STAT2: variants seen among roughly 807,000 people sequenced by gnomAD.
The protein encoded by STAT2 is signal transducer and activator of transcription 2.
A neutral mutation model predicts 122.3 loss-of-function variants in STAT2; 51 were observed. The ratio of observed to expected loss-of-function variants is 0.42; its 90% confidence interval spans 0.33 to 0.53. The LOEUF is 0.53. Ranked by LOEUF, STAT2 falls within the 20% of genes least tolerant of loss-of-function variation. The pLI is 0.10. For synonymous variants in STAT2, 351 were observed against 394.9 expected, an observed-to-expected ratio of 0.89 and a Z score of 1.32; for missense variants, 736 against 1,010.3, an observed-to-expected ratio of 0.73 and a Z score of 3.68.
chr12:56,347,012 C>G (rs1877584416), intron 19 of STAT2, 57 bp from the exon 20 acceptor site: 1 of 1,594,594 alleles, frequency 6.3e-7, no homozygotes, highest in Non-Finnish European at 8.6e-7. Flanking sequence ...CACCAGGCCC[C>G]TGCCTCCCTG....
chr12:56,348,422 G>T, intron 19 of STAT2, 107 bp downstream of exon 19: 3 of 1,136,154 alleles, frequency 2.6e-6, no homozygotes, highest in Non-Finnish European at 4.0e-6. Context: ...GACGTGGCCT[G>T]CACCTGTCTT....
Position 56,355,436 on chromosome 12 carries a change from T to C in STAT2, c.471+7A>G. On this transcript the variant is annotated splice_region_variant and intron_variant, in intron 5 of 23. Coordinates refer to ENST00000314128, the MANE Select transcript of STAT2 (RefSeq NM_005419.4). ...TGTCAACCCTAACTCCTACCACATC[T>C]ACTAACCTCCATCATAGCCCTTAAA... 1 of 1,614,150 alleles carries C rather than the reference T, an allele frequency of 6.2e-7. No individual in the cohort carries two copies. The highest frequency in any genetic ancestry group is 1.1e-5 in the South Asian group (1 of 91,078).
rs758442457 is a variant in STAT2 at position 56,356,277 on chromosome 12, G to A, written c.140C>T (p.Ala47Val). ...VWIEDQNWQE[A>V]ALGSDDSKAT... ...CTTGGAATCATCACTCCCAAGTGCA[G>A]CTTCCTGCCTGGGCACCAGGAATAA... Residue 47 changes from alanine to valine, a missense_variant, in exon 3 of 24, where the codon GCT becomes GTT. Coordinates refer to ENST00000314128, the MANE Select transcript of STAT2 (RefSeq NM_005419.4). 1 of 1,611,368 alleles carries A rather than the reference G, an allele frequency of 6.2e-7. No individual in the cohort carries two copies. The highest frequency in any genetic ancestry group is 8.5e-7 in the Non-Finnish European group (1 of 1,179,992).
At chr12:56,349,293 T>C (rs749700813) in intron 15 of STAT2, 32 bp from the exon 16 acceptor site, 5 of 1,613,926 alleles carry the variant, frequency 3.1e-6, no homozygotes, top group Non-Finnish European at 4.2e-6. Context: ...CAGAGAGGGA[T>C]GTGATGTTTC....
intron 19 of STAT2, among the ~76,000 whole-genome samples, 187 bp downstream of exon 19, chr12:56,348,342 C>T (rs2136050270): frequency 6.6e-6 from 1 of 152,234 alleles, no homozygotes; most frequent in Non-Finnish European, 1.5e-5. Flanking sequence ...CCGCCTCGGC[C>T]TCCCAAAGTG....
chr12:56,344,225 G>T, intron 22 of STAT2, 90 bp from the exon 23 acceptor site: 1 of 1,463,126 alleles, frequency 6.8e-7, no homozygotes, highest in Non-Finnish European at 9.1e-7. Flanking sequence ...GTCTAAGAAG[G>T]CAGTAGGGCG....
chr12:56,349,306 G>A (rs1878070335), intron 15 of STAT2, 45 bp from the exon 16 acceptor site: 2 of 1,613,978 alleles, frequency 1.2e-6, no homozygotes, highest in Admixed American at 1.7e-5. Context: ...GATGTTTCTA[G>A]CTGCAGGTAT....
In STAT2 at chr12:56,343,481, G is replaced by A. The variant is rs776219467; in HGVS notation, c.2464C>T (p.Leu822=). The A allele has an allele frequency of 6.2e-7, 1 of 1,614,234 alleles. No individual in the cohort carries two copies. Among genetic ancestry groups the A allele is most frequent in the South Asian group, 1.1e-5 (1 of 91,088 alleles). ...IEEIMPNGDP[L]LAGQNTVDEV... is the part of the protein sequence containing the mutation. ...TCCACGGTGTTCTGGCCAGCCAACA[G>A]TGGGTCACCATTCGGCATGATTTCT... is the stretch of plus-strand genomic sequence containing the variant. The change falls in exon 24 of 24, where the codon CTG becomes TTG. Residue 822 remains leucine, a synonymous_variant. Coordinates refer to ENST00000314128, the MANE Select transcript of STAT2 (RefSeq NM_005419.4).
chr12:56,359,214 T>A (rs1879992370), intron 1 of STAT2, among the ~76,000 whole-genome samples: 1 of 152,152 alleles, frequency 6.6e-6, no homozygotes, highest in Non-Finnish European at 1.5e-5. Flanking sequence ...TTTTAACTCT[T>A]TTAGTAGTGC....
chr12:56,352,648 G>A (rs1195173123), intron 8 of STAT2, among the ~76,000 whole-genome samples: 2 of 151,214 alleles, frequency 1.3e-5, no homozygotes, highest in African/African-American at 2.4e-5. Flanking sequence ...TGTACCATAA[G>A]TACTATATGC....
intron 21 of STAT2, 70 bp from the exon 22 acceptor site, chr12:56,346,273 G>A (rs1877442990): frequency 2.5e-6 from 4 of 1,593,190 alleles, no homozygotes; most frequent in Non-Finnish European, 2.6e-6. Flanking sequence ...TTCCCCTAGT[G>A]CAGATGGTCC....
In STAT2 at chr12:56,343,591, A is replaced by G. The variant is rs538422027; in HGVS notation, c.2414-60T>C. ...CTTAGTTAGGAGTTCCCAACCCAGC[A>G]GGGAAAGGGAGGGAGGATGGCAGGA... On this transcript the variant is annotated intron_variant, in intron 23 of 23. Transcript: ENST00000314128. The G allele has an allele frequency of 2.8e-5, 44 of 1,577,320 alleles. 1 individual carries two copies. Among genetic ancestry groups the G allele is most frequent in the South Asian group, 2.1e-4 (18 of 85,568 alleles).
intron 3 of STAT2, 100 bp downstream of exon 3, chr12:56,356,032 G>A (rs184349826): frequency 3.3e-6 from 5 of 1,498,126 alleles, no homozygotes; most frequent in East Asian, 2.3e-5. Context: ...ATTTGTTCCC[G>A]TCTCCCTTTC....
chr12:56,350,439 A>G lies in STAT2; in HGVS notation c.1095-7T>C, dbSNP rs759547339. 1 of 1,604,290 alleles carries G rather than the reference A, an allele frequency of 6.2e-7. No individual in the cohort carries two copies. Among genetic ancestry groups the G allele is most frequent in the Non-Finnish European group, 8.5e-7 (1 of 1,176,748 alleles). ...TTGTAATTGAGGAGGATTCCTGAAA[A>G]GAAATAAATTTAAAAAAATCATTGG... On this transcript the variant is annotated splice_polypyrimidine_tract_variant and splice_region_variant and intron_variant, in intron 11 of 23. Coordinates refer to ENST00000314128, the MANE Select transcript of STAT2 (RefSeq NM_005419.4).
chr12:56,343,333 T>C lies in STAT2; in HGVS notation c.*56A>G, dbSNP rs1435199044. 22 of 1,577,960 alleles carry C rather than the reference T, an allele frequency of 1.4e-5. No individual in the cohort carries two copies. Among genetic ancestry groups the C allele is most frequent in the Non-Finnish European group, 1.6e-5 (19 of 1,158,292 alleles). The stretch of plus-strand genomic sequence containing the variant: ...TTCCCATCCTTGGAGAACAATATCA[T>C]GCTATGAGGAGTAGGAAGGGCAAGA... On this transcript the variant is annotated 3_prime_UTR_variant, in exon 24 of 24. Coordinates refer to ENST00000314128, the MANE Select transcript of STAT2 (RefSeq NM_005419.4).
chr12:56,352,371 T>TGTGGG (rs1878649097), intron 8 of STAT2: 2 of 28,464 alleles, frequency 7.0e-5, no homozygotes, highest in Admixed American at 3.8e-4. Context: ...TTTTTTTTTT[T>TGTGGG]GGTGGGGGTG....
At chr12:56,349,083 G>A (rs2020855) in intron 16 of STAT2, 24 bp from the exon 17 acceptor site, 29 of 1,613,608 alleles carry the variant, frequency 1.8e-5, no homozygotes, top group Non-Finnish European at 2.2e-5. Context: ...AGCAGTGTAG[G>A]CTGGCTCAGA....
At chr12:56,345,548 T>G (rs1380567381) in intron 22 of STAT2, among the ~76,000 whole-genome samples, 1 of 100,664 alleles carries the variant, frequency 9.9e-6, no homozygotes, top group Non-Finnish European at 1.8e-5. Flanking sequence ...CGGGGTGTGG[T>G]GGCTCACGCC....
intron 19 of STAT2, among the ~76,000 whole-genome samples, chr12:56,347,614 G>A (rs1877698158): frequency 6.6e-6 from 1 of 151,654 alleles, no homozygotes; most frequent in Non-Finnish European, 1.5e-5. Context: ...CGATTCTCCT[G>A]CCTCAGCCTC....
Sources: gnomAD v4.1 joint callset for allele counts (sites outside exome capture counted in the v4.1 genomes callset) on GRCh38, gnomAD v4.1.1 for gene constraint, MANE v1.5 for transcripts, NCBI Gene and HGNC (gene_info 2026-07-23, HGNC 2026-07-21) for gene names.